Variants in NCKAP5 observed in about 807,000 individuals in gnomAD.
NCKAP5 encodes the protein NCK associated protein 5.
NCKAP5 carries 92 observed loss-of-function variants against 167.0 expected under a neutral mutation model. The ratio of observed to expected loss-of-function variants is 0.55; its 90% CI spans 0.47 to 0.66. The LOEUF is 0.66. Ranked by LOEUF, NCKAP5 falls within the 30% of genes least tolerant of loss-of-function variation. The pLI is 0.00. For missense variants in NCKAP5, 2,378 were observed against 2,315.0 expected (o/e 1.03, Z -0.56); for synonymous variants, 891 against 877.4 (o/e 1.02, Z -0.27).
chr2:132,781,842 C>CCATTT (rs1683058099), intron 14 of NCKAP5, 98 bp downstream of exon 14: 1 of 1,154,060 alleles, frequency 8.7e-7, no homozygotes, highest in Non-Finnish European at 1.2e-6. Context: ...TATGAAAAAA[C>CCATTT]ATGCTTGACT....
intron 11 of NCKAP5, among the ~76,000 whole-genome samples, chr2:132,830,390 A>G (rs981371914): frequency 6.8e-6 from 1 of 147,786 alleles, no homozygotes; most frequent in East Asian, 2.0e-4. Flanking sequence ...CTAAGGACAG[A>G]CTGTTGCTTG....
intron 4 of NCKAP5, among the ~76,000 whole-genome samples, chr2:133,230,213 C>G (rs190003555): frequency 3.3e-5 from 5 of 152,118 alleles, no homozygotes; most frequent in Non-Finnish European, 7.4e-5. Flanking sequence ...AGCAGAGCAG[C>G]TGACCCACCA....
Position 132,782,117 on chromosome 2 carries a change from T to C in NCKAP5, c.4694A>G (p.Glu1565Gly). Reference sequence around the variant, plus strand: ...CTTGGTGTCCTTGATAAGCTCATTTTCTGTCTCACACTGTAGTTCAGGCTT... The same window carrying C: ...CTTGGTGTCCTTGATAAGCTCATTTCCTGTCTCACACTGTAGTTCAGGCTT... Reference protein sequence around the residue: ...KKKPELQCETENELIKDTKSA... With the variant: ...KKKPELQCETGNELIKDTKSA... The change falls in exon 14 of 20, where the codon GAA (glutamate) becomes GGA (glycine). Residue 1565 changes from glutamate to glycine, a missense_variant. Physicochemically the swap from Glu to Gly is moderately conservative, Grantham distance 98. This residue lies in a region of NCKAP5 where 1,325 missense variants were observed against 1,274.5 expected (regional missense o/e 1.04). Transcript: ENST00000409261. 6.2e-7 allele frequency: 1 copy of C among 1,614,094 alleles called. No individual in the cohort carries two copies. The highest frequency in any genetic ancestry group is 8.5e-7 in the Non-Finnish European group (1 of 1,179,908).
chr2:132,760,175 A>G (rs1680882641), intron 16 of NCKAP5, among the ~76,000 whole-genome samples: 1 of 151,986 alleles, frequency 6.6e-6, no homozygotes, highest in Non-Finnish European at 1.5e-5. Flanking sequence ...TTATATAGAG[A>G]GTGTTTACCA....
chr2:133,380,800 T>C (rs1038247803), intron 3 of NCKAP5, among the ~76,000 whole-genome samples: 4 of 152,212 alleles, frequency 2.6e-5, no homozygotes, highest in African/African-American at 4.8e-5. Flanking sequence ...TGTTTGCACA[T>C]TAACTTGGAG....
At chr2:133,174,357 G>C (rs1003234584) in intron 5 of NCKAP5, among the ~76,000 whole-genome samples, 1 of 152,092 alleles carries the variant, frequency 6.6e-6, no homozygotes, top group East Asian at 1.9e-4. Context: ...CTTACTTGTA[G>C]TAGGCTCTAC....
At chr2:133,373,670 T>C (rs1250536580) in intron 3 of NCKAP5, among the ~76,000 whole-genome samples, 2 of 152,168 alleles carry the variant, frequency 1.3e-5, no homozygotes, top group African/African-American at 4.8e-5. Context: ...ATGCACTACA[T>C]GGAGACTCAA....
chr2:133,462,320 C>T (rs1276576827), intron 3 of NCKAP5, among the ~76,000 whole-genome samples: 1 of 152,102 alleles, frequency 6.6e-6, no homozygotes, highest in Non-Finnish European at 1.5e-5. Flanking sequence ...AATGGATGGG[C>T]AGATGTCTTG....
intron 16 of NCKAP5, among the ~76,000 whole-genome samples, chr2:132,733,361 T>C (rs1401519107): frequency 1.3e-5 from 2 of 152,188 alleles, no homozygotes; most frequent in Non-Finnish European, 2.9e-5. Context: ...GACATAATGT[T>C]TGTACCAAAA....
intron 7 of NCKAP5, among the ~76,000 whole-genome samples, chr2:132,967,517 T>C (rs769885133): frequency 6.6e-6 from 1 of 152,136 alleles, no homozygotes; most frequent in African/African-American, 2.4e-5. Context: ...TACAGGTTTA[T>C]AAGGAAATCA....
At chr2:133,175,644 C>T (rs190878921) in intron 5 of NCKAP5, among the ~76,000 whole-genome samples, 61 of 152,286 alleles carry the variant, frequency 4.0e-4, no homozygotes, top group African/African-American at 1.4e-3. Flanking sequence ...GTATATATTT[C>T]ACTTGGAGTC....
chr2:133,507,349 T>C (rs1177296269), intron 3 of NCKAP5, among the ~76,000 whole-genome samples: 1 of 152,208 alleles, frequency 6.6e-6, no homozygotes, highest in African/African-American at 2.4e-5. Flanking sequence ...TCTATGTGCA[T>C]GAGAGCAGTC....
rs1288525884 is a variant in NCKAP5, at chr2:133,271,120, G to A, written c.143+31917C>T. ...TTTTTTTTTTCCTATTTTTAGTAGA[G>A]ACAGGGTTTCATCGTGTTAGCCAGG... On this transcript the variant is annotated intron_variant, in intron 4 of 19. Transcript: ENST00000409261. Among the ~76,000 whole-genome samples the A allele has an allele frequency of 1.1e-4, 17 of 147,890 alleles. No individual in the cohort carries two copies. The Admixed American group carries it at 1.2e-3, about 10-fold the overall frequency.
chr2:132,992,293 T>C (rs529418965), intron 7 of NCKAP5, among the ~76,000 whole-genome samples: 1 of 152,222 alleles, frequency 6.6e-6, no homozygotes, highest in Non-Finnish European at 1.5e-5. Flanking sequence ...AACACGTTTC[T>C]TAAAGCATAT....
At chr2:133,432,792 A>G (rs1690240719) in intron 3 of NCKAP5, among the ~76,000 whole-genome samples, 1 of 152,232 alleles carries the variant, frequency 6.6e-6, no homozygotes, top group South Asian at 2.1e-4. Flanking sequence ...AATGGATTAT[A>G]TGTTAAGAAT....
chr2:133,154,174 T>G (rs774548833), intron 5 of NCKAP5, among the ~76,000 whole-genome samples: 7 of 152,296 alleles, frequency 4.6e-5, no homozygotes, highest in Non-Finnish European at 8.8e-5. Context: ...TTACTGTTCT[T>G]GATTAAATGA....
chr2:133,313,038 T>C (rs541182562), intron 3 of NCKAP5, among the ~76,000 whole-genome samples: 6 of 152,310 alleles, frequency 3.9e-5, no homozygotes, highest in Non-Finnish European at 5.9e-5. Context: ...AATAACAGAC[T>C]TTAAAAGTCT....
At chr2:133,386,024 G>A (rs1366838579) in intron 3 of NCKAP5, among the ~76,000 whole-genome samples, 2 of 152,076 alleles carry the variant, frequency 1.3e-5, no homozygotes, top group Non-Finnish European at 2.9e-5. Context: ...TTTTTTTGAA[G>A]GGTTCTTTGT....
At chr2:133,070,731 C>G (rs1342069356) in intron 6 of NCKAP5, among the ~76,000 whole-genome samples, 3 of 152,058 alleles carry the variant, frequency 2.0e-5, no homozygotes, top group African/African-American at 7.2e-5. Flanking sequence ...GTAGGGTAGA[C>G]TATACAGGTG....
Sources: allele counts gnomAD v4.1 joint callset (sites outside exome capture counted in the v4.1 genomes callset), GRCh38; gene constraint gnomAD v4.1.1; regional missense constraint gnomAD v4.1.1; transcripts MANE v1.5; gene names NCBI Gene and HGNC (gene_info 2026-07-23, HGNC 2026-07-21).